NCAM2: variants seen among roughly 807,000 people sequenced by gnomAD.
NCAM2 encodes the protein N-CAM-2.
In NCAM2, 30 loss-of-function variants were observed where a neutral mutation model predicts 98.1. That is an observed-to-expected ratio of 0.31 (90% CI 0.23 to 0.41). The LOEUF (loss-of-function observed/expected upper bound fraction) is 0.41, where lower values mean the gene tolerates loss of function less well. Among genes scored for constraint, NCAM2 ranks in the 10% least tolerant of loss-of-function variants. The pLI, the probability that NCAM2 is intolerant of heterozygous loss-of-function variation, is 1.00. For synonymous variants in NCAM2, 368 were observed against 342.4 expected (o/e 1.07, Z -0.83); for missense variants, 867 against 1,005.8 (o/e 0.86, Z 1.87).
In NCAM2 at chr21:21,503,869, A is replaced by T. The variant is rs1202243712; in HGVS notation, c.2078-4982A>T. Among the ~76,000 whole-genome samples the T allele has an allele frequency of 2.6e-5, 4 of 151,914 alleles. No homozygotes were observed. The East Asian group carries it at 7.7e-4, about 29-fold the overall frequency. ...ATATTTTTAACTTTTTATATTCTAAATTATTTATTCTTATTCAATTATGAA... is the reference window on the plus strand; with the variant it reads ...ATATTTTTAACTTTTTATATTCTAATTTATTTATTCTTATTCAATTATGAA... On this transcript the variant is annotated intron_variant, in intron 15 of 17. Transcript: ENST00000400546.
chr21:21,049,395 C>T (rs1174939379), intron 1 of NCAM2, among the ~76,000 whole-genome samples: 2 of 152,112 alleles, frequency 1.3e-5, no homozygotes, highest in Non-Finnish European at 1.5e-5. Context: ...AACACCACTA[C>T]ATTAGGCTTC....
intron 13 of NCAM2, among the ~76,000 whole-genome samples, 196 bp from the exon 14 acceptor site, chr21:21,468,466 C>T (rs1281011454): frequency 1.3e-5 from 2 of 151,932 alleles, no homozygotes; most frequent in Non-Finnish European, 2.9e-5. Flanking sequence ...TGGCATGACA[C>T]TTCTAGATTT....
intron 1 of NCAM2, among the ~76,000 whole-genome samples, chr21:21,263,569 CAA>C (rs1423473325): frequency 6.6e-6 from 1 of 151,860 alleles, no homozygotes; most frequent in Non-Finnish European, 1.5e-5. Context: ...TAAGCAAAAA[CAA>C]CAGAGCCAAA....
intron 12 of NCAM2, among the ~76,000 whole-genome samples, chr21:21,435,262 C>T (rs8127601): frequency 6.6e-6 from 1 of 152,022 alleles, no homozygotes; most frequent in Non-Finnish European, 1.5e-5. Flanking sequence ...TTTCTTTCTC[C>T]TCATTTTAAA....
chr21:21,362,550 G>C (rs542920940), intron 8 of NCAM2, among the ~76,000 whole-genome samples: 15 of 152,066 alleles, frequency 9.9e-5, no homozygotes, highest in African/African-American at 3.4e-4. Flanking sequence ...ATGCCACCAT[G>C]CCCAGCTTAT....
chr21:21,002,465 A>T (rs898598554), intron 1 of NCAM2, among the ~76,000 whole-genome samples: 12 of 152,148 alleles, frequency 7.9e-5, no homozygotes, highest in African/African-American at 2.9e-4. Context: ...CTGAGAAATG[A>T]GCTACAGAGA....
intron 1 of NCAM2, among the ~76,000 whole-genome samples, chr21:21,114,101 A>G (rs2066506397): frequency 1.3e-5 from 2 of 152,128 alleles, no homozygotes; most frequent in African/African-American, 4.8e-5. Context: ...AATACTTGTG[A>G]ACAAAGAAAA....
rs10686568 is a variant in NCAM2 at position 21,142,377 on chromosome 21, G to GTTTTT, written c.56-138186_56-138182dup. 1.5e-3 allele frequency among the ~76,000 whole-genome samples: 166 copies of GTTTTT among 107,148 alleles called. 8 individuals are homozygous for GTTTTT. The highest frequency in any genetic ancestry group is 2.8e-3 in the African/African-American group (74 of 26,708). 70.3% of individuals were successfully genotyped at this position (107,148 alleles called of 152,430 possible). On this transcript the variant is annotated intron_variant, in intron 1 of 17. Transcript: ENST00000400546. Reference sequence around the variant, plus strand: ...AAATTATTTGACCGTTTTTTTTTATGTTTTTTTTTTTTTTTTTTTGAGATA... The same window carrying GTTTTT: ...AAATTATTTGACCGTTTTTTTTTATGTTTTTTTTTTTTTTTTTTTTTTTTGAGATA...
At chr21:21,181,167 T>C (rs2068455595) in intron 1 of NCAM2, among the ~76,000 whole-genome samples, 1 of 152,176 alleles carries the variant, frequency 6.6e-6, no homozygotes, top group South Asian at 2.1e-4. Flanking sequence ...TAGATATTTT[T>C]CCATTGTCTT....
intron 1 of NCAM2, among the ~76,000 whole-genome samples, chr21:21,083,262 A>G (rs1690453649): frequency 6.6e-6 from 1 of 152,136 alleles, no homozygotes; most frequent in Admixed American, 6.6e-5. Flanking sequence ...TATCTTTGGT[A>G]TTTGGTGGTA....
chr21:21,003,698 T>C (rs1298721399), intron 1 of NCAM2, among the ~76,000 whole-genome samples: 2 of 152,098 alleles, frequency 1.3e-5, no homozygotes, highest in Non-Finnish European at 2.9e-5. Context: ...AGCTGCTCTG[T>C]GATTAGAAAA....
intron 16 of NCAM2, among the ~76,000 whole-genome samples, chr21:21,511,579 A>AT (rs562019783): frequency 2.3e-3 from 342 of 151,998 alleles, no homozygotes; most frequent in African/African-American, 7.9e-3. Flanking sequence ...ATATCTCTTG[A>AT]TTTTTTTAAA....
intron 1 of NCAM2, among the ~76,000 whole-genome samples, chr21:21,006,858 A>C (rs2064122070): frequency 6.6e-6 from 1 of 152,292 alleles, no homozygotes. Flanking sequence ...CATAGTTTGC[A>C]TTTTAAAGTG....
At chr21:21,091,463 T>C (rs879580880) in intron 1 of NCAM2, among the ~76,000 whole-genome samples, 5 of 152,156 alleles carry the variant, frequency 3.3e-5, no homozygotes, top group Non-Finnish European at 5.9e-5. Flanking sequence ...TAGTGATTTT[T>C]TAATACATAT....
intron 16 of NCAM2, among the ~76,000 whole-genome samples, chr21:21,516,674 A>G (rs890609499): frequency 1.3e-5 from 2 of 151,418 alleles, no homozygotes; most frequent in Admixed American, 6.6e-5. Flanking sequence ...TTTTTTTTCC[A>G]CTTTCAACTT....
chr21:21,161,285 AAGTT>A (rs1357808268), intron 1 of NCAM2, among the ~76,000 whole-genome samples: 2 of 152,032 alleles, frequency 1.3e-5, no homozygotes, highest in Non-Finnish European at 2.9e-5. Flanking sequence ...AAAAAGGACT[AAGTT>A]AGAAATACAA....
At chr21:21,003,280 G>A (rs577104614) in intron 1 of NCAM2, among the ~76,000 whole-genome samples, 1 of 152,208 alleles carries the variant, frequency 6.6e-6, no homozygotes, top group South Asian at 2.1e-4. Flanking sequence ...GGAATTTTGA[G>A]AATATTTATA....
intron 9 of NCAM2, among the ~76,000 whole-genome samples, chr21:21,408,336 C>A (rs1439701384): frequency 6.6e-6 from 1 of 152,246 alleles, no homozygotes; most frequent in Non-Finnish European, 1.5e-5. Flanking sequence ...ATTTAGCACA[C>A]CTAAGTACAA....
At chr21:21,256,217 G>C (rs549069959) in intron 1 of NCAM2, among the ~76,000 whole-genome samples, 3 of 152,066 alleles carry the variant, frequency 2.0e-5, no homozygotes, top group Non-Finnish European at 4.4e-5. Context: ...TTAGCTGGGC[G>C]TGGTGGTGGG....
Sources: gnomAD v4.1 joint callset for allele counts (sites outside exome capture counted in the v4.1 genomes callset) on GRCh38, gnomAD v4.1.1 for gene constraint, MANE v1.5 for transcripts, NCBI Gene and HGNC (gene_info 2026-07-23, HGNC 2026-07-21) for gene names.